CCNT1: variants seen among roughly 807,000 people sequenced by gnomAD.
CCNT1 encodes cyclin-T1.
In CCNT1, 18 loss-of-function variants were observed where a neutral mutation model predicts 67.3. The observed-to-expected ratio is 0.27, with a 90% CI of 0.18 to 0.40. The LOEUF (loss-of-function observed/expected upper bound fraction) is 0.40. Ranked by LOEUF, CCNT1 falls within the 10% of genes least tolerant of loss-of-function variation. CCNT1 has a pLI of 1.00. For missense variants in CCNT1, 744 were observed against 884.9 expected (o/e 0.84, Z 2.02); for synonymous variants, 333 against 310.3 (o/e 1.07, Z -0.77).
chr12:48,711,189 G>C (rs929420134), intron 2 of CCNT1, among the ~76,000 whole-genome samples: 1 of 151,848 alleles, frequency 6.6e-6, no homozygotes, highest in African/African-American at 2.4e-5. Context: ...AGCCAAGCCT[G>C]GCCAACATAG....
At chr12:48,704,190 A>G (rs1940317868) in intron 3 of CCNT1, among the ~76,000 whole-genome samples, 1 of 152,240 alleles carries the variant, frequency 6.6e-6, no homozygotes, top group African/African-American at 2.4e-5. Context: ...ACAGTGGTTC[A>G]TTAGTATACC....
At chr12:48,697,851 A>ATAT (rs1391600626) in intron 6 of CCNT1, 11 of 99,428 alleles carry the variant, frequency 1.1e-4, no homozygotes, top group African/African-American at 3.8e-4. Flanking sequence ...AAAAAAAAAA[A>ATAT]AAAAATATAT....
Position 48,693,796 on chromosome 12 carries a change from G to A in CCNT1, c.1418C>T (p.Ala473Val), listed in dbSNP as rs201423333. Residue 473 changes from alanine to valine, a missense_variant, in exon 9 of 9, where the codon GCG becomes GTG. Around this residue, in one of 3 missense-constraint regions of CCNT1, gnomAD observed 564 missense variants for 574.2 expected, o/e 0.98. Transcript: ENST00000261900. ...TTTTATCTCCTCTGGTTTTGAAGACGCAGCTTTATCTCCACCTGCCACTGG... is the reference window on the plus strand; with the variant it reads ...TTTTATCTCCTCTGGTTTTGAAGACACAGCTTTATCTCCACCTGCCACTGG... ...RIPVAGGDKA[A>V]SSKPEEIKMR... is the part of the protein sequence containing the mutation. The A allele has an allele frequency of 2.2e-5, 35 of 1,613,856 alleles. No individual in the cohort carries two copies. The highest frequency in any genetic ancestry group is 5.0e-5 in the Admixed American group (3 of 59,982).
At chr12:48,696,415 C>T (rs997890616) in intron 6 of CCNT1, among the ~76,000 whole-genome samples, 2 of 147,032 alleles carry the variant, frequency 1.4e-5, no homozygotes, top group Admixed American at 1.4e-4. Context: ...ACACATTGAC[C>T]AGAGCCAAAA....
At chr12:48,701,737 G>T (rs888671932) in intron 3 of CCNT1, among the ~76,000 whole-genome samples, 1 of 151,802 alleles carries the variant, frequency 6.6e-6, no homozygotes, top group African/African-American at 2.4e-5. Flanking sequence ...CTCCCGAGTA[G>T]CTGGGATTAC....
chr12:48,716,501 G>A lies in CCNT1; in HGVS notation c.161+14C>T, dbSNP rs779443237. The A allele has an allele frequency of 7.5e-5, 120 of 1,608,166 alleles. No individual in the cohort carries two copies. Among genetic ancestry groups the A allele is most frequent in the Non-Finnish European group, 9.4e-5 (110 of 1,176,314 alleles). ...GACCAACTCCAAGGCCGAAGGCCTA[G>A]GCCACAAGGATACACGTTAAGACGC... On this transcript the variant is annotated intron_variant, in intron 1 of 8. Transcript: ENST00000261900.
intron 2 of CCNT1, among the ~76,000 whole-genome samples, chr12:48,707,663 T>C (rs2137239439): frequency 6.6e-6 from 1 of 152,346 alleles, no homozygotes; most frequent in African/African-American, 2.4e-5. Flanking sequence ...AACTATTATG[T>C]ACCCATGATA....
rs751934361 is a variant in CCNT1 at position 48,694,242 on chromosome 12, G to C, written c.972C>G (p.Thr324=). ...GCTTGCCCGGCAACATCTCCACACTGGTTAAGTTGCTGGATGACTCTTCGG... is the reference window on the plus strand; with the variant it reads ...GCTTGCCCGGCAACATCTCCACACTCGTTAAGTTGCTGGATGACTCTTCGG... The part of the protein sequence containing the change: ...PVSEESSSNL[T]SVEMLPGKRW... Residue 324 remains threonine (T), a synonymous_variant, in exon 9 of 9, where the codon ACC becomes ACG. Transcript: ENST00000261900. 2.7e-5 allele frequency: 43 copies of C among 1,614,094 alleles called. No individual in the cohort carries two copies. Among genetic ancestry groups the C allele is most frequent in the East Asian group, 2.2e-5 (1 of 44,890 alleles).
At position 48,693,636 on chromosome 12, in the gene CCNT1, G is replaced by A. The variant is rs1565615234; in HGVS notation, c.1578C>T (p.His526=). 6.2e-7 allele frequency: 1 copy of A among 1,614,180 alleles called. No individual in the cohort carries two copies. Among genetic ancestry groups the A allele is most frequent in the South Asian group, 1.1e-5 (1 of 91,084 alleles). The change falls in exon 9 of 9, where the codon CAC becomes CAT. Residue 526 remains histidine, a synonymous_variant. Transcript: ENST00000261900. ...NHHHHHNHHS[H]KHSHSQLPVG... ...CTGGAAGTTGGGAATGAGAGTGCTT[G>A]TGTGAGTGGTGATTATGATGATGAT...
Position 48,688,551 on chromosome 12 carries a change from A to G in CCNT1, c.*4482T>C, listed in dbSNP as rs1940023196. On this transcript the variant is annotated 3_prime_UTR_variant, in exon 9 of 9. Coordinates refer to ENST00000261900, the MANE Select transcript of CCNT1 (RefSeq NM_001240.4). ...AAGATATCAAACTGATAGCCAGACT[A>G]TAAAATGTATACATCCTTTTTAAAT... The G allele has an allele frequency of 6.6e-6, 1 of 152,234 alleles. No homozygotes were observed. Among genetic ancestry groups the G allele is most frequent in the Admixed American group, 6.5e-5 (1 of 15,276 alleles). The allele number at this position is 152,234 out of a possible 1,614,324, so 9.4% of individuals were successfully genotyped here. A position where few individuals can be genotyped will look rare whatever the true frequency, so the allele number is the denominator to read the frequency against.
chr12:48,694,944 C>T (rs190856450), intron 8 of CCNT1, among the ~76,000 whole-genome samples: 1 of 152,328 alleles, frequency 6.6e-6, no homozygotes, highest in Admixed American at 6.5e-5. Flanking sequence ...CTGTCTCAGC[C>T]TCCCAAGTAG....
rs1198582652 is a variant in CCNT1, at chr12:48,694,061, C to T, written c.1153G>A (p.Ala385Thr). Residue 385 changes from alanine (A) to threonine (T), a missense_variant, in exon 9 of 9, where the codon GCT becomes ACT. Coordinates refer to ENST00000261900, the MANE Select transcript of CCNT1 (RefSeq NM_001240.4). ...QKQNSKSVPS[A>T]KVSLKEYRAK... ...CGGTATTCTTTCAGTGACACTTTAG[C>T]TGATGGCACACTCTTACTATTCTGC... 1 of 1,614,182 alleles carries T rather than the reference C, an allele frequency of 6.2e-7. No individual in the cohort carries two copies. The highest frequency in any genetic ancestry group is 8.5e-7 in the Non-Finnish European group (1 of 1,180,036).
chr12:48,689,055 G>T lies in CCNT1; in HGVS notation c.*3978C>A, dbSNP rs1024555512. On this transcript the variant is annotated 3_prime_UTR_variant, in exon 9 of 9. Transcript: ENST00000261900. ...GAAGAGTTCCTGATTACCTGATGAA[G>T]GACATACTTGCTCTGGCTTCAATTA... The T allele has an allele frequency of 3.9e-5, 6 of 152,146 alleles. No individual in the cohort carries two copies. The highest frequency in any genetic ancestry group is 3.9e-4 in the Admixed American group (6 of 15,264). The allele number at this position is 152,146 out of a possible 1,614,324, so 9.4% of individuals were successfully genotyped here. A position where few individuals can be genotyped will look rare whatever the true frequency, so the allele number is the denominator to read the frequency against.
intron 3 of CCNT1, among the ~76,000 whole-genome samples, chr12:48,704,219 A>G (rs774043695): frequency 2.0e-5 from 3 of 152,320 alleles, no homozygotes; most frequent in Non-Finnish European, 1.5e-5. Flanking sequence ...AGTTGTCTAT[A>G]TAACAGGGGG....
chr12:48,700,258 G>T (rs1032088903), intron 4 of CCNT1, among the ~76,000 whole-genome samples: 1 of 147,012 alleles, frequency 6.8e-6, no homozygotes, highest in Admixed American at 6.9e-5. Context: ...GGCGGAGGTT[G>T]CAATGAGCCA....
In CCNT1 at chr12:48,693,047, G is replaced by A. The variant is rs1940102129; in HGVS notation, c.2167C>T (p.Pro723Ser). Reference protein sequence around the residue: ...LPSEPPPPLPPLPK With the variant: ...LPSEPPPPLPSLPK ...TTTTTCTTTTTTTACTTAGGAAGGG[G>A]TGGAAGTGGTGGAGGAGGTTCTGAT... is the stretch of plus-strand genomic sequence containing the variant. Residue 723 changes from proline (P) to serine (S), a missense_variant, in exon 9 of 9, where the codon CCC becomes TCC. Transcript: ENST00000261900. 6.3e-7 allele frequency: 1 copy of A among 1,593,426 alleles called. No individual in the cohort carries two copies. The highest frequency in any genetic ancestry group is 8.6e-7 in the Non-Finnish European group (1 of 1,163,524).
In CCNT1 at chr12:48,707,978, G is replaced by C. The variant is rs565118499; in HGVS notation, c.244-2082C>G. Among the ~76,000 whole-genome samples, 87 of 152,254 alleles carry C rather than the reference G, an allele frequency of 5.7e-4. No individual in the cohort carries two copies. The Middle Eastern group carries it at 0.02, about 36-fold the overall frequency. On this transcript the variant is annotated intron_variant, in intron 2 of 8. Transcript: ENST00000261900. ...GTAGGGTAGTCCCACCTACTCGGGA[G>C]AATTGCCTGAACCCAGAAGGCAGGG...
chr12:48,698,824 C>T (rs1466339297), intron 5 of CCNT1, among the ~76,000 whole-genome samples: 3 of 151,948 alleles, frequency 2.0e-5, no homozygotes, highest in Admixed American at 6.6e-5. Context: ...GGGGTGGTGG[C>T]GCATGCCTGT....
chr12:48,707,286 T>G (rs1940377207), intron 2 of CCNT1, among the ~76,000 whole-genome samples: 1 of 151,010 alleles, frequency 6.6e-6, no homozygotes, highest in Admixed American at 6.6e-5. Context: ...TTTTTTTTCT[T>G]TCTTTTTTTT....
Sources: gnomAD v4.1 joint callset for allele counts (sites outside exome capture counted in the v4.1 genomes callset) on GRCh38, gnomAD v4.1.1 for gene constraint, gnomAD v4.1.1 regional missense constraint, MANE v1.5 for transcripts, NCBI Gene and HGNC (gene_info 2026-07-23, HGNC 2026-07-21) for gene names.